Variants in GRID2 observed in about 807,000 individuals in gnomAD.
GRID2 encodes glutamate ionotropic receptor delta type subunit 2, also known as glutamate receptor ionotropic, delta-2.
In GRID2, 33 loss-of-function variants were observed where a neutral mutation model predicts 114.8. That is an observed-to-expected ratio of 0.29 (90% CI 0.22 to 0.38). GRID2 has a LOEUF of 0.38. Among genes scored for constraint, GRID2 ranks in the 10% least tolerant of loss-of-function variants. The pLI, the probability that GRID2 is intolerant of heterozygous loss-of-function variation, is 1.00. For synonymous variants in GRID2, 505 were observed against 449.9 expected, an observed-to-expected ratio of 1.12 and a Z score of -1.55; for missense variants, 1,184 against 1,257.7, an observed-to-expected ratio of 0.94 and a Z score of 0.89.
chr4:93,029,811 G>T (rs1578794633), intron 2 of GRID2, among the ~76,000 whole-genome samples: 3 of 152,142 alleles, frequency 2.0e-5, no homozygotes, highest in Admixed American at 2.0e-4. Flanking sequence ...TGCCTGATTA[G>T]CTTCTTCTGC....
At chr4:92,550,659 G>A (rs1166765563) in intron 1 of GRID2, among the ~76,000 whole-genome samples, 1 of 152,132 alleles carries the variant, frequency 6.6e-6, no homozygotes, top group Non-Finnish European at 1.5e-5. Flanking sequence ...CTAATTGAGG[G>A]CACCTTCACA....
At chr4:93,152,685 T>A (rs896165793) in intron 4 of GRID2, among the ~76,000 whole-genome samples, 1 of 152,118 alleles carries the variant, frequency 6.6e-6, no homozygotes, top group African/African-American at 2.4e-5. Context: ...GATTAAGAAC[T>A]GCTTTGCATG....
intron 2 of GRID2, among the ~76,000 whole-genome samples, chr4:92,727,090 A>G (rs147573904): frequency 1.2e-3 from 187 of 152,152 alleles, no homozygotes; most frequent in Middle Eastern, 3.4e-3. Context: ...GTTATCAAAT[A>G]TTTATCTGAA....
At chr4:92,888,114 T>C (rs1418295173) in intron 2 of GRID2, among the ~76,000 whole-genome samples, 1 of 152,200 alleles carries the variant, frequency 6.6e-6, no homozygotes, top group African/African-American at 2.4e-5. Context: ...TAGCTTAACT[T>C]GTTCAAAGAG....
chr4:93,131,461 A>G (rs889274164), intron 4 of GRID2, among the ~76,000 whole-genome samples: 1 of 151,940 alleles, frequency 6.6e-6, no homozygotes, highest in African/African-American at 2.4e-5. Context: ...CAATTAAAAC[A>G]ACATTTTTAA....
At chr4:93,327,827 C>A (rs1193881298) in intron 8 of GRID2, among the ~76,000 whole-genome samples, 4 of 151,966 alleles carry the variant, frequency 2.6e-5, no homozygotes, top group African/African-American at 9.7e-5. Context: ...AAGGCCCTGA[C>A]TTTACTACTG....
chr4:93,539,701 A>G (rs972920602), intron 13 of GRID2, among the ~76,000 whole-genome samples: 6 of 152,128 alleles, frequency 3.9e-5, no homozygotes, highest in Non-Finnish European at 7.4e-5. Flanking sequence ...TTTTATTTGC[A>G]GTATTGGTTG....
intron 1 of GRID2, among the ~76,000 whole-genome samples, chr4:92,379,415 T>A (rs1379285757): frequency 6.6e-6 from 1 of 152,008 alleles, no homozygotes; most frequent in Admixed American, 6.6e-5. Flanking sequence ...CTTATAATGA[T>A]GGAAAAGAAG....
At chr4:92,917,564 G>T (rs1249109971) in intron 2 of GRID2, among the ~76,000 whole-genome samples, 1 of 152,028 alleles carries the variant, frequency 6.6e-6, no homozygotes, top group East Asian at 1.9e-4. Flanking sequence ...GATCCATTTT[G>T]AGCTTTCTAC....
intron 8 of GRID2, among the ~76,000 whole-genome samples, chr4:93,274,125 A>G (rs1751799445): frequency 6.6e-6 from 1 of 152,114 alleles, no homozygotes; most frequent in Non-Finnish European, 1.5e-5. Context: ...ATCGGAATAT[A>G]TTTGCACCTG....
chr4:92,630,927 A>G (rs1205890650), intron 2 of GRID2, among the ~76,000 whole-genome samples: 1 of 152,036 alleles, frequency 6.6e-6, no homozygotes, highest in Non-Finnish European at 1.5e-5. Flanking sequence ...TAAAATAAAT[A>G]ACAAAGCTTC....
chr4:92,637,796 C>A (rs1183640253), intron 2 of GRID2, among the ~76,000 whole-genome samples: 1 of 151,954 alleles, frequency 6.6e-6, no homozygotes, highest in Non-Finnish European at 1.5e-5. Context: ...TATAATGATG[C>A]TAGTTCAGAC....
intron 11 of GRID2, among the ~76,000 whole-genome samples, chr4:93,458,206 C>T (rs1232222127): frequency 6.6e-6 from 1 of 152,154 alleles, no homozygotes; most frequent in Non-Finnish European, 1.5e-5. Flanking sequence ...GTTTGGTTGA[C>T]TGTGTTAAAC....
At chr4:92,336,066 TAC>T (rs1037408040) in intron 1 of GRID2, among the ~76,000 whole-genome samples, 4 of 152,218 alleles carry the variant, frequency 2.6e-5, no homozygotes, top group Non-Finnish European at 5.9e-5. Flanking sequence ...TTTCATTACA[TAC>T]ACACAAATAT....
At chr4:92,399,090 T>C (rs1295343036) in intron 1 of GRID2, among the ~76,000 whole-genome samples, 3 of 152,204 alleles carry the variant, frequency 2.0e-5, no homozygotes, top group Non-Finnish European at 2.9e-5. Flanking sequence ...CACATTTTAC[T>C]TTCATGAAAA....
chr4:92,329,256 T>C (rs1253359145), intron 1 of GRID2, among the ~76,000 whole-genome samples: 1 of 152,066 alleles, frequency 6.6e-6, no homozygotes, highest in Non-Finnish European at 1.5e-5. Flanking sequence ...AGGAAGCTGA[T>C]AGTACAGAAC....
chr4:92,519,010 A>G (rs545741322), intron 1 of GRID2, among the ~76,000 whole-genome samples: 1 of 151,896 alleles, frequency 6.6e-6, no homozygotes, highest in Non-Finnish European at 1.5e-5. Flanking sequence ...CCAATGTAAG[A>G]AAAACAGAAT....
chr4:92,588,714 G>A (rs1728574313), intron 1 of GRID2, among the ~76,000 whole-genome samples: 1 of 147,544 alleles, frequency 6.8e-6, no homozygotes, highest in Admixed American at 6.8e-5. Flanking sequence ...TTCTTCATTA[G>A]TTTCTCTCAA....
intron 8 of GRID2, among the ~76,000 whole-genome samples, chr4:93,291,723 T>G (rs1048072101): frequency 6.6e-5 from 10 of 152,206 alleles, no homozygotes; most frequent in Non-Finnish European, 1.3e-4. Flanking sequence ...CAACATACCC[T>G]GCCTCAAGAT....
Sources: allele counts gnomAD v4.1 joint callset (sites outside exome capture counted in the v4.1 genomes callset), GRCh38; gene constraint gnomAD v4.1.1; transcripts MANE v1.5; gene names NCBI Gene and HGNC (gene_info 2026-07-23, HGNC 2026-07-21).